The following MYOM3 variants were observed in gnomAD, a reference collection of about 807,000 sequenced individuals.
MYOM3 encodes the protein myomesin-3.
A neutral mutation model predicts 191.7 loss-of-function variants in MYOM3; 155 were observed. That is an observed-to-expected ratio of 0.81 (90% CI 0.71 to 0.92). The LOEUF (loss-of-function observed/expected upper bound fraction) is 0.92, where lower values mean the gene tolerates loss of function less well. Among genes scored for constraint, MYOM3 ranks in the 40% least tolerant of loss-of-function variants. The pLI is 0.00. For synonymous variants in MYOM3, 757 were observed against 762.9 expected (o/e 0.99, Z 0.13); for missense variants, 1,889 against 1,890.6 (o/e 1.00, Z 0.02).
intron 7 of MYOM3, among the ~76,000 whole-genome samples, 194 bp downstream of exon 7, chr1:24,097,729 T>C (rs962281702): frequency 6.6e-6 from 1 of 152,212 alleles, no homozygotes; most frequent in Non-Finnish European, 1.5e-5. Flanking sequence ...CCCAGGCTGA[T>C]GGAGGAGACT....
intron 25 of MYOM3, among the ~76,000 whole-genome samples, chr1:24,068,851 G>A (rs572427362): frequency 1.3e-5 from 2 of 152,226 alleles, no homozygotes; most frequent in Admixed American, 1.3e-4. Context: ...AGTCTCCTGA[G>A]TAGCTGGGAT....
rs1557604247 is a variant in MYOM3, at chr1:24,071,160, T to C, written c.3107A>G (p.Glu1036Gly). The C allele has an allele frequency of 1.2e-6, 2 of 1,614,184 alleles. No individual in the cohort carries two copies. Among genetic ancestry groups the C allele is most frequent in the Admixed American group, 1.7e-5 (1 of 60,022 alleles). The change falls in exon 25 of 37, where the codon GAG becomes GGG. Residue 1036 changes from glutamate (E) to glycine (G), a missense_variant. By Grantham distance (98) the Glu-to-Gly change is moderately conservative (BLOSUM62 -2). Coordinates refer to ENST00000374434, the MANE Select transcript of MYOM3 (RefSeq NM_152372.4). Reference sequence around the variant, plus strand: ...CTTGTTGTTGAAGATTAGATGTAGCTCAGCGGCTGGAGATAACTTTTCTAC... The same window carrying C: ...CTTGTTGTTGAAGATTAGATGTAGCCCAGCGGCTGGAGATAACTTTTCTAC... ...LEVEKLSPAA[E>G]LHLIFNNKEI...
At chr1:24,110,279 T>A (rs1644027256) in intron 1 of MYOM3, among the ~76,000 whole-genome samples, 1 of 152,152 alleles carries the variant, frequency 6.6e-6, no homozygotes, top group African/African-American at 2.4e-5. Flanking sequence ...CCTGTCAGCT[T>A]CTGTGGGGTC....
chr1:24,077,775 C>A (rs1643619661), intron 20 of MYOM3, among the ~76,000 whole-genome samples: 1 of 152,194 alleles, frequency 6.6e-6, no homozygotes, highest in Non-Finnish European at 1.5e-5. Context: ...TGGCGGCCAA[C>A]TGTCCACATG....
In MYOM3 at chr1:24,057,460, G is replaced by A. The variant is rs116002224; in HGVS notation, c.4218C>T (p.Gly1406=). 5.4e-4 allele frequency: 879 copies of A among 1,614,226 alleles called. 3 individuals are homozygous for A. In the African/African-American group the frequency reaches 7.5e-3, roughly 14 times the overall value. ...KVNSEDSGRY[G]VFVKNKYGSE... ...AGCCATACTTGTTCTTGACGAAGAC[G>A]CCGTAGCGGCCGCTGTCTTCACTGT... Residue 1406 remains glycine, a synonymous_variant, in exon 37 of 37, where the codon GGC becomes GGT. Transcript: ENST00000374434.
intron 3 of MYOM3, among the ~76,000 whole-genome samples, chr1:24,107,565 A>G (rs965347998): frequency 3.3e-5 from 5 of 152,154 alleles, no homozygotes; most frequent in Admixed American, 1.3e-4. Flanking sequence ...AGCCAGGACC[A>G]CCACCCAAGC....
At position 24,089,628 on chromosome 1, in the gene MYOM3, A is replaced by G; in HGVS notation, c.1524T>C (p.His508=). The G allele has an allele frequency of 3.1e-6, 5 of 1,594,214 alleles. No individual in the cohort carries two copies. Among genetic ancestry groups the G allele is most frequent in the Non-Finnish European group, 4.3e-6 (5 of 1,170,700 alleles). ...VTIPSPPTNV[H]ASEIREAYVV... The stretch of plus-strand genomic sequence containing the variant: ...CATAGGCCTCTCGGATCTCGCTGGC[A>G]TGGACATTGGTTGGCGGTGAGGGGA... Residue 508 remains histidine, a synonymous_variant, in exon 14 of 37, where the codon CAT becomes CAC. Coordinates refer to ENST00000374434, the MANE Select transcript of MYOM3 (RefSeq NM_152372.4).
chr1:24,108,333 C>G (rs538193745), intron 2 of MYOM3, 143 bp downstream of exon 2: 1 of 953,504 alleles, frequency 1.0e-6, no homozygotes, highest in East Asian at 2.8e-5. Flanking sequence ...TGTGTCTCCC[C>G]CCTCAGACAG....
At chr1:24,071,857 C>T in intron 24 of MYOM3, 112 bp downstream of exon 24, 1 of 1,101,654 alleles carries the variant, frequency 9.1e-7, no homozygotes, top group South Asian at 1.3e-5. Flanking sequence ...CTCCCACCCT[C>T]TGTCCCTCTG....
Position 24,062,107 on chromosome 1 carries a change from T to A in MYOM3, c.3773A>T (p.Asp1258Val). 1 of 1,613,986 alleles carries A rather than the reference T, an allele frequency of 6.2e-7. No individual in the cohort carries two copies. The highest frequency in any genetic ancestry group is 8.5e-7 in the Non-Finnish European group (1 of 1,179,972). Residue 1258 changes from aspartate to valine, a missense_variant and splice_region_variant, in exon 33 of 37, where the codon GAC becomes GTC. By Grantham distance (152) the Asp-to-Val change is radical. Coordinates refer to ENST00000374434, the MANE Select transcript of MYOM3 (RefSeq NM_152372.4). ...CCGATCACCACTCTCCAGACGTTTG[T>A]CTCTGAATGTGAGGGTGGAGAAATG... ...EYMKTTWFHKDKRLESGDRIR... is the reference protein window; with the variant it reads ...EYMKTTWFHKVKRLESGDRIR...
intron 9 of MYOM3, 38 bp from the exon 10 acceptor site, chr1:24,093,146 G>A (rs771727374): frequency 1.5e-5 from 23 of 1,545,792 alleles, no homozygotes; most frequent in Non-Finnish European, 1.9e-5. Context: ...AGTTTGTGGG[G>A]GGTCCTGGTC....
rs1258495010 is a variant in MYOM3, at chr1:24,082,609, C to T, written c.2076G>A (p.Arg692=). The T allele has an allele frequency of 6.2e-7, 1 of 1,608,776 alleles. No homozygotes were observed. The highest frequency in any genetic ancestry group is 8.5e-7 in the Non-Finnish European group (1 of 1,178,128). Residue 692 remains arginine, a synonymous_variant, in exon 17 of 37, where the codon AGG becomes AGA. Transcript: ENST00000374434. ...TGGACTCACCCAGAGCCTGCTTGAC[C>T]CTGATGGGCTCGGTGGCGGCTGAGC... The part of the protein sequence containing the change: ...GESSAATEPI[R]VKQALATPSA...
intron 23 of MYOM3, among the ~76,000 whole-genome samples, chr1:24,073,830 TCCA>T (rs1643561334): frequency 7.4e-6 from 1 of 135,654 alleles, no homozygotes; most frequent in African/African-American, 2.9e-5. Flanking sequence ...GCCACTGCAT[TCCA>T]GCCTGGGCGA....
intron 25 of MYOM3, among the ~76,000 whole-genome samples, chr1:24,068,607 G>A (rs907788994): frequency 1.6e-4 from 25 of 152,208 alleles, no homozygotes; most frequent in African/African-American, 5.8e-4. Context: ...TGCCTAGGCT[G>A]GGGTGCAGTG....
intron 25 of MYOM3, among the ~76,000 whole-genome samples, chr1:24,069,632 CAG>C (rs1367968719): frequency 6.2e-5 from 8 of 128,584 alleles, no homozygotes; most frequent in African/African-American, 2.3e-4. Flanking sequence ...TTTTTTGAGA[CAG>C]AGTCTCACTT....
In MYOM3 at chr1:24,086,708, C is replaced by T. The variant is rs1234024694; in HGVS notation, c.1734G>A (p.Met578Ile). Residue 578 changes from methionine (M) to isoleucine (I), a missense_variant, in exon 15 of 37, where the codon ATG becomes ATA. Coordinates refer to ENST00000374434, the MANE Select transcript of MYOM3 (RefSeq NM_152372.4). ...KKSYVFRVRA[M>I]NQYGLSDPSE... is the part of the protein sequence containing the mutation. ...AGGGATCGCTCAGGCCATACTGGTT[C>T]ATTGCTCGCACTCTGAAGACATACG... is the stretch of plus-strand genomic sequence containing the variant. 6.2e-7 allele frequency: 1 copy of T among 1,614,186 alleles called. No homozygotes were observed. The highest frequency in any genetic ancestry group is 8.5e-7 in the Non-Finnish European group (1 of 1,180,028).
At chr1:24,061,110 T>C in intron 34 of MYOM3, 28 bp from the exon 35 acceptor site, 1 of 1,613,986 alleles carries the variant, frequency 6.2e-7, no homozygotes, top group Non-Finnish European at 8.5e-7. Context: ...GAACAAGGTG[T>C]GACATTCCAC....
chr1:24,067,170 G>T (rs974973534), intron 27 of MYOM3, 82 bp from the exon 28 acceptor site: 12 of 1,374,658 alleles, frequency 8.7e-6, no homozygotes, highest in Non-Finnish European at 1.2e-5. Flanking sequence ...AGTGCTGGGG[G>T]GAGGGACAGC....
chr1:24,086,910 C>T, intron 14 of MYOM3, 83 bp from the exon 15 acceptor site: 1 of 1,412,986 alleles, frequency 7.1e-7, no homozygotes, highest in Non-Finnish European at 9.8e-7. Flanking sequence ...TCTCTGTCCC[C>T]AGCCCGTGTG....
Sources: gnomAD v4.1 joint callset for allele counts (sites outside exome capture counted in the v4.1 genomes callset) on GRCh38, gnomAD v4.1.1 for gene constraint, MANE v1.5 for transcripts, NCBI Gene and HGNC (gene_info 2026-07-23, HGNC 2026-07-21) for gene names.